Variants in GCNT2 observed in about 807,000 individuals in gnomAD.
GCNT2 encodes the protein N-acetyllactosaminide beta-1,6-N-acetylglucosaminyl-transferase.
In GCNT2, 34 loss-of-function variants were observed where a neutral mutation model predicts 34.2. The ratio of observed to expected loss-of-function variants is 1.00; its 90% confidence interval spans 0.76 to 1.32. The LOEUF is 1.32. Among genes scored for constraint, GCNT2 ranks in the 40% most tolerant of loss-of-function variants. GCNT2 has a pLI of 0.00. For synonymous variants in GCNT2, 212 were observed against 188.0 expected, an observed-to-expected ratio of 1.13 and a Z score of -1.04; for missense variants, 584 against 489.4, an observed-to-expected ratio of 1.19 and a Z score of -1.82.
intron 3 of GCNT2, among the ~76,000 whole-genome samples, chr6:10,617,176 G>A (rs1297210323): frequency 1.3e-5 from 2 of 152,192 alleles, no homozygotes; most frequent in South Asian, 2.1e-4. Flanking sequence ...GCTCAGACAT[G>A]GCCGGCTGCA....
intron 2 of GCNT2, 105 bp downstream of exon 2, chr6:10,527,765 T>G (rs1031847321): frequency 1.3e-5 from 2 of 152,202 alleles, no homozygotes; most frequent in African/African-American, 4.8e-5. Context: ...TTGCTGCTGC[T>G]TTACCACCCC....
chr6:10,586,249 C>T (rs1483264922), intron 3 of GCNT2: 4 of 1,614,034 alleles, frequency 2.5e-6, no homozygotes, highest in African/African-American at 2.7e-5. Flanking sequence ...ATCACAAGTC[C>T]CCTGTCGGAA....
At chr6:10,562,233 C>T (rs1437719702) in intron 3 of GCNT2, among the ~76,000 whole-genome samples, 1 of 152,180 alleles carries the variant, frequency 6.6e-6, no homozygotes, top group African/African-American at 2.4e-5. Context: ...ACAACCAGGT[C>T]GAGATGGTCC....
rs781238161 is a variant in GCNT2, at chr6:10,529,678, A to G, written c.767A>G (p.His256Arg). Residue 256 changes from histidine to arginine, a missense_variant, in exon 3 of 5, where the codon CAT (histidine) becomes CGT (arginine). Transcript: ENST00000495262. ...ACAAAATTAAAAACTCCTCCTCCTC[A>G]TGACATGGTGATTTACTTTGGCACG... ...KTTKLKTPPPHDMVIYFGTAY... is the reference protein window; with the variant it reads ...KTTKLKTPPPRDMVIYFGTAY... 18 of 1,613,990 alleles carry G rather than the reference A, an allele frequency of 1.1e-5. No homozygotes were observed. Among genetic ancestry groups the G allele is most frequent in the Middle Eastern group, 3.3e-4 (2 of 6,062 alleles).
intron 3 of GCNT2, among the ~76,000 whole-genome samples, chr6:10,570,728 A>G (rs1763519656): frequency 6.6e-6 from 1 of 152,108 alleles, no homozygotes; most frequent in Non-Finnish European, 1.5e-5. Context: ...TAGAGTCCAA[A>G]TCCCCTCTTG....
chr6:10,553,551 C>T (rs1762566406), intron 3 of GCNT2, among the ~76,000 whole-genome samples: 2 of 152,162 alleles, frequency 1.3e-5, no homozygotes, highest in South Asian at 2.1e-4. Flanking sequence ...AGAAAGGATA[C>T]TCTCTTTCCT....
intron 3 of GCNT2, among the ~76,000 whole-genome samples, chr6:10,606,802 A>T (rs147328789): frequency 1.9e-4 from 29 of 152,172 alleles, no homozygotes; most frequent in African/African-American, 6.0e-4. Context: ...ATACTCAGAG[A>T]TAATAGTTCA....
chr6:10,526,772 G>A (rs1761213093), intron 1 of GCNT2, among the ~76,000 whole-genome samples: 2 of 152,158 alleles, frequency 1.3e-5, no homozygotes, highest in African/African-American at 2.4e-5. Context: ...AGTACAGGAC[G>A]TGGAAACATT....
chr6:10,615,970 G>T (rs978075647), intron 3 of GCNT2, among the ~76,000 whole-genome samples: 2 of 152,182 alleles, frequency 1.3e-5, no homozygotes, highest in Non-Finnish European at 2.9e-5. Flanking sequence ...GCTGACTCCT[G>T]TCTCATCCTG....
chr6:10,536,412 G>T (rs1186715731), intron 3 of GCNT2, among the ~76,000 whole-genome samples: 1 of 151,638 alleles, frequency 6.6e-6, no homozygotes, highest in Non-Finnish European at 1.5e-5. Context: ...CTGGAGTGCA[G>T]TGGCGTGATC....
intron 3 of GCNT2, chr6:10,574,700 T>G (rs1046076158): frequency 7.8e-5 from 31 of 396,180 alleles, no homozygotes; most frequent in Admixed American, 4.1e-4. Context: ...TTTGTTTGTT[T>G]GTTTGTTTTA....
chr6:10,618,403 C>T (rs1468935876), intron 3 of GCNT2, among the ~76,000 whole-genome samples: 3 of 152,120 alleles, frequency 2.0e-5, no homozygotes, highest in African/African-American at 7.2e-5. Context: ...ATAAATGTCA[C>T]GATCTTACCT....
intron 3 of GCNT2, among the ~76,000 whole-genome samples, chr6:10,578,552 T>C (rs1306031546): frequency 1.4e-5 from 2 of 146,506 alleles, no homozygotes; most frequent in Admixed American, 6.9e-5. Context: ...GTTCATGCCA[T>C]TCTCCTGCCT....
chr6:10,583,969 TC>T (rs1166314775), intron 3 of GCNT2, among the ~76,000 whole-genome samples: 1 of 152,152 alleles, frequency 6.6e-6, no homozygotes, highest in Non-Finnish European at 1.5e-5. Flanking sequence ...TGTGGGTATT[TC>T]TTGCAAGGTG....
At chr6:10,622,996 G>GC (rs1051469350) in intron 4 of GCNT2, among the ~76,000 whole-genome samples, 1 of 151,596 alleles carries the variant, frequency 6.6e-6, no homozygotes, top group Non-Finnish European at 1.5e-5. Flanking sequence ...CTCGTGATCT[G>GC]CCCCCCTTGG....
intron 3 of GCNT2, among the ~76,000 whole-genome samples, chr6:10,595,706 A>G (rs1475400902): frequency 6.6e-6 from 1 of 152,222 alleles, no homozygotes; most frequent in Non-Finnish European, 1.5e-5. Context: ...CCTTTTCACA[A>G]TTATTCTATG....
rs367828288 is a variant in GCNT2, at chr6:10,524,847, G to T, written c.-468-2627G>T. On this transcript the variant is annotated intron_variant, in intron 1 of 4. Transcript: ENST00000495262. Reference sequence around the variant, plus strand: ...TCTGTCCCCCACCCCCCAAAAAAAAGAAAAGGAAAGAAAGAAAAGAAAAAG... The same window carrying T: ...TCTGTCCCCCACCCCCCAAAAAAAATAAAAGGAAAGAAAGAAAAGAAAAAG... 2.2e-4 allele frequency among the ~76,000 whole-genome samples: 31 copies of T among 143,590 alleles called. No individual in the cohort carries two copies. In the South Asian group the frequency reaches 6.4e-3, roughly 30 times the overall value. 94.2% of individuals were successfully genotyped at this position (143,590 alleles called of 152,430 possible). A position where few individuals can be genotyped will look rare whatever the true frequency, so the allele number is the denominator to read the frequency against.
At chr6:10,521,947 G>A (rs574116532) in intron 1 of GCNT2, among the ~76,000 whole-genome samples, 109 of 151,214 alleles carry the variant, frequency 7.2e-4, no homozygotes, top group African/African-American at 2.5e-3. Context: ...TCACCCAGGC[G>A]AGAGTACGGT....
At chr6:10,547,097 G>A (rs944217608) in intron 3 of GCNT2, among the ~76,000 whole-genome samples, 8 of 152,006 alleles carry the variant, frequency 5.3e-5, no homozygotes, top group African/African-American at 1.2e-4. Context: ...AAGAGCTCCC[G>A]TATACCTTTT....
Sources: gnomAD v4.1 joint callset for allele counts (sites outside exome capture counted in the v4.1 genomes callset) on GRCh38, gnomAD v4.1.1 for gene constraint, MANE v1.5 for transcripts, NCBI Gene and HGNC (gene_info 2026-07-23, HGNC 2026-07-21) for gene names.